The following CAMK4 variants were observed in gnomAD, a reference collection of about 807,000 sequenced individuals.
CAMK4 encodes the protein calcium/calmodulin-dependent protein kinase type IV.
CAMK4 carries 22 observed loss-of-function variants against 44.9 expected under a neutral mutation model. That is an observed-to-expected ratio of 0.49 (90% CI 0.35 to 0.70). CAMK4 has a LOEUF of 0.70. Among genes scored for constraint, CAMK4 ranks in the 30% least tolerant of loss-of-function variants. The probability of loss-of-function intolerance (pLI) is 0.01; values close to 1 mark genes in which losing one functional copy is unlikely to be tolerated. For missense variants in CAMK4, 498 were observed against 586.8 expected, an observed-to-expected ratio of 0.85 and a Z score of 1.56; for synonymous variants, 218 against 215.4, an observed-to-expected ratio of 1.01 and a Z score of -0.11.
intron 5 of CAMK4, among the ~76,000 whole-genome samples, chr5:111,422,549 T>G (rs1011977894): frequency 6.6e-6 from 1 of 152,218 alleles, no homozygotes; most frequent in African/African-American, 2.4e-5. Flanking sequence ...TGTACAAACG[T>G]CCACTAATTT....
chr5:111,435,228 A>G (rs1168331152), intron 5 of CAMK4, among the ~76,000 whole-genome samples: 1 of 152,192 alleles, frequency 6.6e-6, no homozygotes, highest in Non-Finnish European at 1.5e-5. Flanking sequence ...TATTTGCTTT[A>G]GGAATCATTT....
intron 1 of CAMK4, among the ~76,000 whole-genome samples, chr5:111,270,273 C>G (rs1429462710): frequency 6.6e-6 from 1 of 152,206 alleles, no homozygotes; most frequent in East Asian, 1.9e-4. Context: ...AAAACCCCTC[C>G]TCATTAAGGC....
chr5:111,424,621 A>C (rs1286338854), intron 5 of CAMK4, among the ~76,000 whole-genome samples: 1 of 150,996 alleles, frequency 6.6e-6, no homozygotes, highest in Non-Finnish European at 1.5e-5. Flanking sequence ...ATTTTTAAAA[A>C]TATTTTTAGT....
At chr5:111,450,848 T>C (rs908945893) in intron 7 of CAMK4, among the ~76,000 whole-genome samples, 2 of 151,686 alleles carry the variant, frequency 1.3e-5, no homozygotes, top group South Asian at 2.1e-4. Context: ...TTAAGAAATA[T>C]TGTGTTGTAT....
At position 111,461,738 on chromosome 5, in the gene CAMK4, C is replaced by G. The variant is rs542907275; in HGVS notation, c.626-11573C>G. Among the ~76,000 whole-genome samples the G allele has an allele frequency of 7.8e-5, 11 of 141,530 alleles. No homozygotes were observed. The South Asian group carries it at 1.4e-3, about 18-fold the overall frequency. 92.8% of individuals were successfully genotyped at this position (141,530 alleles called of 152,430 possible). On this transcript the variant is annotated intron_variant, in intron 7 of 10. Transcript: ENST00000282356. ...CCCAGAGGCACAGTTTAGAGAGACT[C>G]TAGATGCTGGGCTCAAGATACAGTG...
chr5:111,313,042 C>G (rs1261059066), intron 1 of CAMK4, among the ~76,000 whole-genome samples: 3 of 152,020 alleles, frequency 2.0e-5, no homozygotes, highest in Admixed American at 1.3e-4. Context: ...TTCTGGGTAC[C>G]CTGTGTTCCT....
At chr5:111,421,900 G>T (rs538556873) in intron 5 of CAMK4, among the ~76,000 whole-genome samples, 1 of 152,136 alleles carries the variant, frequency 6.6e-6, no homozygotes, top group Non-Finnish European at 1.5e-5. Flanking sequence ...CACGAAATTT[G>T]ATGGTTTTAT....
chr5:111,479,393 GA>G (rs34011422), intron 9 of CAMK4, among the ~76,000 whole-genome samples: 59,198 of 151,764 alleles, frequency 0.39, 12,592 homozygotes, highest in Middle Eastern at 0.53. Flanking sequence ...ACCTTCTGGG[GA>G]GGTCACTCAC....
chr5:111,303,742 G>C (rs1747833605), intron 1 of CAMK4, among the ~76,000 whole-genome samples: 1 of 148,760 alleles, frequency 6.7e-6, no homozygotes, highest in South Asian at 2.1e-4. Context: ...GAAATACAGA[G>C]AACGCCACAG....
At chr5:111,254,798 G>T (rs1369357521) in intron 1 of CAMK4, among the ~76,000 whole-genome samples, 1 of 152,162 alleles carries the variant, frequency 6.6e-6, no homozygotes, top group Non-Finnish European at 1.5e-5. Flanking sequence ...TGATAAAAAT[G>T]AAACTAGCCA....
chr5:111,242,055 G>A (rs556894630), intron 1 of CAMK4, among the ~76,000 whole-genome samples: 2 of 152,202 alleles, frequency 1.3e-5, no homozygotes, highest in South Asian at 4.1e-4. Context: ...CTTTGACACA[G>A]GCTATTCGAA....
chr5:111,355,549 T>C (rs1580642068), intron 2 of CAMK4, among the ~76,000 whole-genome samples: 1 of 150,686 alleles, frequency 6.6e-6, no homozygotes, highest in Non-Finnish European at 1.5e-5. Flanking sequence ...ATGTGCACAA[T>C]GTGCAGGTTA....
intron 2 of CAMK4, among the ~76,000 whole-genome samples, chr5:111,373,950 C>T (rs1444482077): frequency 1.3e-5 from 2 of 152,124 alleles, no homozygotes; most frequent in Non-Finnish European, 2.9e-5. Context: ...GGGTCAATCA[C>T]TGGGCTAGAG....
intron 7 of CAMK4, among the ~76,000 whole-genome samples, chr5:111,468,472 C>T (rs1233191417): frequency 1.3e-5 from 2 of 152,086 alleles, no homozygotes; most frequent in Non-Finnish European, 2.9e-5. Context: ...TTTTCTTGAA[C>T]TAAATTGAAA....
Position 111,397,677 on chromosome 5 carries a change from GTGTGTGTGTGTGTGTT to G in CAMK4, c.459+2898_459+2913del, listed in dbSNP as rs1168609717. Among the ~76,000 whole-genome samples the G allele has an allele frequency of 2.6e-3, 351 of 133,888 alleles. 2 individuals are homozygous for G. The highest frequency in any genetic ancestry group is 8.8e-3 in the African/African-American group (297 of 33,586). The allele number at this position is 133,888 out of a possible 152,430, so 87.8% of individuals were successfully genotyped here. A position where few individuals can be genotyped will look rare whatever the true frequency, so the allele number is the denominator to read the frequency against. ...TGTGTGTGTGTGTGTGTGTGTGTGT[GTGTGTGTGTGTGTGTT>G]TGCAGTTTACCCACCTGGATTCATG... On this transcript the variant is annotated intron_variant, in intron 5 of 10. Coordinates refer to ENST00000282356, the MANE Select transcript of CAMK4 (RefSeq NM_001744.6).
chr5:111,413,666 G>C (rs2112900180), intron 5 of CAMK4, among the ~76,000 whole-genome samples: 1 of 151,876 alleles, frequency 6.6e-6, no homozygotes, highest in East Asian at 1.9e-4. Context: ...TAGAAAACAT[G>C]TAATGTAAAA....
chr5:111,236,279 AG>A (rs1748715724), intron 1 of CAMK4, among the ~76,000 whole-genome samples: 1 of 152,206 alleles, frequency 6.6e-6, no homozygotes, highest in Admixed American at 6.5e-5. Context: ...TAGCAATCTG[AG>A]CTCAACTTCC....
intron 7 of CAMK4, among the ~76,000 whole-genome samples, chr5:111,461,913 T>A (rs61555129): frequency 0.021 from 3,158 of 149,968 alleles, 36 homozygotes; most frequent in African/African-American, 0.044. Context: ...TGCAAATAGA[T>A]CTTTTCCCAT....
intron 5 of CAMK4, among the ~76,000 whole-genome samples, chr5:111,437,989 G>C (rs1753703919): frequency 6.6e-6 from 1 of 152,178 alleles, no homozygotes; most frequent in Non-Finnish European, 1.5e-5. Context: ...TGGCCATCCA[G>C]CTGGAGTACT....
Sources: gnomAD v4.1 joint callset for allele counts (sites outside exome capture counted in the v4.1 genomes callset) on GRCh38, gnomAD v4.1.1 for gene constraint, MANE v1.5 for transcripts, NCBI Gene and HGNC (gene_info 2026-07-23, HGNC 2026-07-21) for gene names.